PSMD8: variants seen among roughly 807,000 people sequenced by gnomAD.
PSMD8 encodes the protein proteasome 26S subunit, non-ATPase 8, also known as 26S proteasome non-ATPase regulatory subunit 8.
PSMD8 carries 30 observed loss-of-function variants against 40.0 expected under a neutral mutation model. The ratio of observed to expected loss-of-function variants is 0.75; its 90% CI spans 0.56 to 1.02. The LOEUF (loss-of-function observed/expected upper bound fraction) is 1.02. Ranked by LOEUF, PSMD8 falls within the 50% of genes least tolerant of loss-of-function variation. The pLI is 0.00. For synonymous variants in PSMD8, 208 were observed against 192.5 expected (o/e 1.08, Z -0.67); for missense variants, 461 against 463.9 (o/e 0.99, Z 0.06).
In PSMD8 at chr19:38,382,177, C is replaced by A; in HGVS notation, c.864C>A (p.Thr288=). ...AYEKILFTEA[T]RILFFNTPKK... ...AGAAAATCCTTTTCACTGAGGCCAC[C>A]CGGATCCTCTTCTTCAACACACCCA... The change falls in exon 6 of 7, where the codon ACC becomes ACA. Residue 288 remains threonine, a synonymous_variant. Transcript: ENST00000215071. 1 of 1,595,788 alleles carries A rather than the reference C, an allele frequency of 6.3e-7. No homozygotes were observed.
At chr19:38,378,283 G>A (rs1364596549) in intron 3 of PSMD8, among the ~76,000 whole-genome samples, 2 of 152,116 alleles carry the variant, frequency 1.3e-5, no homozygotes, top group African/African-American at 2.4e-5. Flanking sequence ...CAAGGTGGGC[G>A]GATCATGAGC....
At chr19:38,376,498 A>G (rs2302228) in intron 3 of PSMD8, 44 bp downstream of exon 3, 1 of 1,469,852 alleles carries the variant, frequency 6.8e-7, no homozygotes, top group South Asian at 1.2e-5. Context: ...GGTTGCATGG[A>G]AGCTCCTTTA....
At chr19:38,375,326 T>C in intron 1 of PSMD8, 1 of 243,244 alleles carries the variant, frequency 4.1e-6, no homozygotes, top group Non-Finnish European at 8.1e-6. Flanking sequence ...CACGCGGGGG[T>C]GGTGGGGGAA....
chr19:38,375,079 G>T, intron 1 of PSMD8, 118 bp downstream of exon 1: 1 of 1,444,892 alleles, frequency 6.9e-7, no homozygotes, highest in Non-Finnish European at 9.2e-7. Flanking sequence ...AGACTGAGGC[G>T]GGCTGGGGGA....
intron 4 of PSMD8, among the ~76,000 whole-genome samples, 192 bp from the exon 5 acceptor site, chr19:38,380,707 A>AGG (rs1555743507): frequency 5.0e-5 from 6 of 120,880 alleles, no homozygotes; most frequent in South Asian, 2.9e-4. Flanking sequence ...AGAGAGAGAG[A>AGG]GTGTGTGTGT....
rs767434146 is a variant in PSMD8, at chr19:38,383,224, A to G, written c.916-29A>G. 9.9e-6 allele frequency: 16 copies of G among 1,611,558 alleles called. No homozygotes were observed. In the South Asian group the frequency reaches 1.8e-4, roughly 18 times the overall value. On this transcript the variant is annotated intron_variant, in intron 6 of 6. Transcript: ENST00000215071. ...GGGATGGAGCCTTTGTGATCACTCT[A>G]CTCGTCTCTAATCCCTCCTTTCCTG...
At chr19:38,379,727 G>T (rs1648766471) in intron 4 of PSMD8, among the ~76,000 whole-genome samples, 1 of 152,210 alleles carries the variant, frequency 6.6e-6, no homozygotes. Context: ...AAGCAGGAAG[G>T]AGGGTGGAGA....
rs751515022 is a variant in PSMD8, at chr19:38,382,180, G to T, written c.867G>T (p.Arg289=). Residue 289 remains arginine, a synonymous_variant, in exon 6 of 7, where the codon CGG becomes CGT. Coordinates refer to ENST00000215071, the MANE Select transcript of PSMD8 (RefSeq NM_002812.5). ...YEKILFTEAT[R]ILFFNTPKKM... is the part of the protein sequence containing the mutation. ...AAATCCTTTTCACTGAGGCCACCCG[G>T]ATCCTCTTCTTCAACACACCCAAAA... is the stretch of plus-strand genomic sequence containing the variant. 7.5e-6 allele frequency: 12 copies of T among 1,596,474 alleles called. No individual in the cohort carries two copies. Among genetic ancestry groups the T allele is most frequent in the Non-Finnish European group, 1.0e-5 (12 of 1,171,920 alleles).
intron 3 of PSMD8, among the ~76,000 whole-genome samples, 168 bp from the exon 4 acceptor site, chr19:38,379,072 G>A (rs995011528): frequency 4.6e-5 from 7 of 152,222 alleles, no homozygotes; most frequent in African/African-American, 1.7e-4. Flanking sequence ...TCTTGTAAAT[G>A]ACTTATTCAT....
chr19:38,382,047 C>A, intron 5 of PSMD8, 70 bp from the exon 6 acceptor site: 2 of 1,107,356 alleles, frequency 1.8e-6, no homozygotes, highest in South Asian at 1.4e-5. Flanking sequence ...TGACACATGT[C>A]AGGTCTGGGG....
chr19:38,378,814 A>G (rs1388554917), intron 3 of PSMD8, among the ~76,000 whole-genome samples: 1 of 151,486 alleles, frequency 6.6e-6, no homozygotes, highest in African/African-American at 2.4e-5. Context: ...TTAGCCGGGC[A>G]TGGTGGCATG....
chr19:38,382,917 A>AG, intron 6 of PSMD8: 1 of 221,642 alleles, frequency 4.5e-6, no homozygotes. Context: ...GTCTGGGGAA[A>AG]AAAAAAAAAA....
At chr19:38,376,118 A>G in intron 1 of PSMD8, 42 bp from the exon 2 acceptor site, 4 of 1,509,898 alleles carry the variant, frequency 2.6e-6, no homozygotes, top group Non-Finnish European at 3.6e-6. Context: ...CTGTATTTGA[A>G]TTCCCTTCTT....
intron 1 of PSMD8, chr19:38,375,301 TGACTG>T (rs1445717246): frequency 3.6e-6 from 1 of 278,908 alleles, no homozygotes; most frequent in Non-Finnish European, 6.9e-6. Context: ...AAGTGAGAGA[TGACTG>T]GAATGGACCC....
At position 38,383,707 on chromosome 19, in the gene PSMD8, C is replaced by A; in HGVS notation, c.*317C>A. On this transcript the variant is annotated 3_prime_UTR_variant, in exon 7 of 7. Coordinates refer to ENST00000215071, the MANE Select transcript of PSMD8 (RefSeq NM_002812.5). ...GCCCCAGGTAGGGGGACTGTTCTAG[C>A]CAGCTGTGGACACATAGGAATGCTG... 1 of 385,372 alleles carries A rather than the reference C, an allele frequency of 2.6e-6. No homozygotes were observed. The highest frequency in any genetic ancestry group is 3.7e-5 in the Admixed American group (1 of 27,076). 23.9% of individuals were successfully genotyped at this position (385,372 alleles called of 1,614,324 possible).
rs192439386 is a variant in PSMD8 at position 38,380,505 on chromosome 19, G to A, written c.703-394G>A. Among the ~76,000 whole-genome samples the A allele has an allele frequency of 6.5e-3, 982 of 152,218 alleles. 6 individuals carry two copies. The highest frequency in any genetic ancestry group is 0.016 in the Admixed American group (242 of 15,286). On this transcript the variant is annotated intron_variant, in intron 4 of 6. Coordinates refer to ENST00000215071, the MANE Select transcript of PSMD8 (RefSeq NM_002812.5). ...GGGAGGATTTGGTCAGTGGGGAGAG[G>A]ATGGGAGAGAGGGCAGTTAGGGCGG... is the stretch of plus-strand genomic sequence containing the variant.
At chr19:38,376,274 T>C (rs1406051915) in intron 2 of PSMD8, 42 bp downstream of exon 2, 1 of 1,551,088 alleles carries the variant, frequency 6.4e-7, no homozygotes, top group Admixed American at 1.9e-5. Flanking sequence ...AATCTGGGGG[T>C]CATGGCAGGA....
rs1363592298 is a variant in PSMD8, at chr19:38,382,162, T to G, written c.849T>G (p.Leu283=). ...TCGAGAAGGCCTACGAGAAAATCCT[T>G]TTCACTGAGGCCACCCGGATCCTCT... ...GCIEKAYEKI[L]FTEATRILFF... is the part of the protein sequence containing the mutation. The change falls in exon 6 of 7, where the codon CTT becomes CTG. Residue 283 remains leucine, a synonymous_variant. Coordinates refer to ENST00000215071, the MANE Select transcript of PSMD8 (RefSeq NM_002812.5). 3.1e-6 allele frequency: 5 copies of G among 1,592,744 alleles called. No homozygotes were observed. The highest frequency in any genetic ancestry group is 4.3e-6 in the Non-Finnish European group (5 of 1,170,262).
At chr19:38,380,054 G>A (rs1970627017) in intron 4 of PSMD8, among the ~76,000 whole-genome samples, 1 of 152,244 alleles carries the variant, frequency 6.6e-6, no homozygotes, top group African/African-American at 2.4e-5. Context: ...TTGGGAGGCC[G>A]AGGCGGGTGG....
Sources: allele counts gnomAD v4.1 joint callset (sites outside exome capture counted in the v4.1 genomes callset), GRCh38; gene constraint gnomAD v4.1.1; transcripts MANE v1.5; gene names NCBI Gene and HGNC (gene_info 2026-07-23, HGNC 2026-07-21).